Variants in SSB observed in about 807,000 individuals in gnomAD.
SSB encodes small RNA binding exonuclease protection factor La, also known as lupus La protein.
SSB carries 17 observed loss-of-function variants against 52.9 expected under a neutral mutation model. The ratio of observed to expected loss-of-function variants is 0.32; its 90% CI spans 0.22 to 0.48. SSB has a LOEUF of 0.48. SSB is among the 20% of genes least tolerant of loss of function. The pLI is 0.99. For missense variants in SSB, 314 were observed against 463.6 expected (o/e 0.68, Z 2.96); for synonymous variants, 111 against 152.1 (o/e 0.73, Z 1.99).
chr2:169,810,239 GT>G, intron 8 of SSB, 43 bp from the exon 9 acceptor site: 1 of 1,513,264 alleles, frequency 6.6e-7, no homozygotes, highest in Non-Finnish European at 9.0e-7. Context: ...CTGGTCTGTT[GT>G]TGCTTTTAAG....
chr2:169,808,611 T>TA, intron 7 of SSB, 58 bp downstream of exon 7: 3 of 1,447,078 alleles, frequency 2.1e-6, no homozygotes, highest in Non-Finnish European at 2.9e-6. Context: ...CTGACAGAAA[T>TA]ATAGCTGGTG....
In SSB at chr2:169,810,922, G is replaced by A. The variant is rs776024514; in HGVS notation, c.875G>A (p.Gly292Asp). ...GGTAAAGCCAAAGATGCAAATAATG[G>A]TAACCTACAATTAAGGAACAAAGAA... ...ALGKAKDANN[G>D]NLQLRNKEVT... The change falls in exon 10 of 12, where the codon GGT (glycine) becomes GAT (aspartate). Residue 292 changes from glycine (G) to aspartate (D), a missense_variant. Gly to Asp is a moderately conservative substitution (Grantham distance 94, BLOSUM62 -1). Coordinates refer to ENST00000260956, the MANE Select transcript of SSB (RefSeq NM_003142.5). The A allele has an allele frequency of 6.8e-6, 11 of 1,613,456 alleles. No homozygotes were observed. In the Middle Eastern group the frequency reaches 1.2e-3, roughly 169 times the overall value.
intron 2 of SSB, among the ~76,000 whole-genome samples, chr2:169,802,545 C>T (rs999212246): frequency 6.6e-5 from 10 of 151,698 alleles, no homozygotes; most frequent in African/African-American, 2.4e-4. Context: ...ATACTTAGAA[C>T]AATACTAAGA....
chr2:169,807,737 C>CT (rs55845251), intron 6 of SSB, among the ~76,000 whole-genome samples: 10,463 of 73,304 alleles, frequency 0.14, 1,322 homozygotes, highest in Admixed American at 0.21. Flanking sequence ...GCCTATATGT[C>CT]TTTTTTTTTT....
At position 169,811,137 on chromosome 2, in the gene SSB, G is replaced by A. The variant is rs547781043; in HGVS notation, c.998-46G>A. ...TCAGTGTTCAAAAACATTGACAAGA[G>A]ACTTAAAAAAAGTTCTTTACAGAGT... On this transcript the variant is annotated intron_variant, in intron 10 of 11. Coordinates refer to ENST00000260956, the MANE Select transcript of SSB (RefSeq NM_003142.5). 2.1e-5 allele frequency: 34 copies of A among 1,592,760 alleles called. No individual in the cohort carries two copies. The South Asian group carries it at 3.7e-4, about 18-fold the overall frequency.
intron 11 of SSB, 132 bp downstream of exon 11, chr2:169,811,455 T>C: frequency 7.7e-7 from 1 of 1,298,378 alleles, no homozygotes; most frequent in Non-Finnish European, 1.0e-6. Flanking sequence ...TTATTAACGA[T>C]TTACCTCGGT....
chr2:169,800,391 C>T (rs999076446), intron 1 of SSB, among the ~76,000 whole-genome samples: 10 of 151,832 alleles, frequency 6.6e-5, no homozygotes, highest in African/African-American at 2.4e-4. Flanking sequence ...ATTAGTCAGC[C>T]GCAGCCGTGG....
At chr2:169,810,662 A>C in intron 9 of SSB, 196 bp from the exon 10 acceptor site, 1 of 665,334 alleles carries the variant, frequency 1.5e-6, no homozygotes, top group Non-Finnish European at 2.5e-6. Flanking sequence ...TTTCTGAATT[A>C]TACTATGAAT....
chr2:169,812,063 AAC>A, exon 12 of SSB: 1 of 658,676 alleles, frequency 1.5e-6, no homozygotes, highest in African/African-American at 1.8e-5. Context: ...AAAGAGCAAA[AAC>A]AGTTTTTGAT....
Position 169,806,884 on chromosome 2 carries a change from G to T in SSB, c.445G>T (p.Ala149Ser), listed in dbSNP as rs546270676. 5.6e-6 allele frequency: 9 copies of T among 1,611,804 alleles called. No homozygotes were observed. The South Asian group carries it at 9.9e-5, about 18-fold the overall frequency. The part of the protein sequence containing the change: ...NIQMRRTLHK[A>S]FKGSIFVVFD... ...TCAGATGAGAAGAACATTGCATAAAGCATTTAAGGTATGATAATACAGACT... is the reference window on the plus strand; with the variant it reads ...TCAGATGAGAAGAACATTGCATAAATCATTTAAGGTATGATAATACAGACT... Residue 149 changes from alanine (A) to serine (S), a missense_variant, in exon 5 of 12, where the codon GCA (alanine) becomes TCA (serine). Ala to Ser is a moderately conservative substitution (Grantham distance 99). Coordinates refer to ENST00000260956, the MANE Select transcript of SSB (RefSeq NM_003142.5).
chr2:169,801,108 C>A, intron 2 of SSB, 82 bp downstream of exon 2: 1 of 1,125,082 alleles, frequency 8.9e-7, no homozygotes, highest in Non-Finnish European at 1.3e-6. Flanking sequence ...AGTACATGGA[C>A]ATATTCAACA....
chr2:169,806,806 A>G lies in SSB; in HGVS notation c.367A>G (p.Thr123Ala). The G allele has an allele frequency of 4.3e-6, 7 of 1,611,674 alleles. No homozygotes were observed. Among genetic ancestry groups the G allele is most frequent in the South Asian group, 1.1e-5 (1 of 90,142 alleles). Residue 123 changes from threonine (T) to alanine (A), a missense_variant, in exon 5 of 12, where the codon ACT becomes GCT. Coordinates refer to ENST00000260956, the MANE Select transcript of SSB (RefSeq NM_003142.5). ...VYIKGFPTDA[T>A]LDDIKEWLED... ...ACAGAAAGGCTTCCCAACTGATGCAACTCTTGATGACATAAAAGAATGGTT... is the reference window on the plus strand; with the variant it reads ...ACAGAAAGGCTTCCCAACTGATGCAGCTCTTGATGACATAAAAGAATGGTT...
rs1191833904 is a variant in SSB, at chr2:169,799,144, AG to A, written c.-10+173del. ...GCCGCAGCCGGAGGCGGCGGAGCCG[AG>A]GGGGCGCGGGCGGCGGCGAGGCTGC... On this transcript the variant is annotated intron_variant, in intron 1 of 11. Coordinates refer to ENST00000260956, the MANE Select transcript of SSB (RefSeq NM_003142.5). 5 of 151,266 alleles carry A rather than the reference AG, an allele frequency of 3.3e-5. No homozygotes were observed. The East Asian group carries it at 9.7e-4, about 29-fold the overall frequency. 9.4% of individuals were successfully genotyped at this position (151,266 alleles called of 1,614,324 possible).
chr2:169,804,343 T>G (rs1689778845), intron 2 of SSB, among the ~76,000 whole-genome samples: 1 of 151,376 alleles, frequency 6.6e-6, no homozygotes, highest in African/African-American at 2.4e-5. Flanking sequence ...CTGCCAGGCT[T>G]AAGCAATCCT....
At chr2:169,800,488 C>T (rs931002600) in intron 1 of SSB, among the ~76,000 whole-genome samples, 4 of 135,564 alleles carry the variant, frequency 3.0e-5, no homozygotes, top group Admixed American at 8.9e-5. Flanking sequence ...GAGCCGAGAT[C>T]GCACCATTGC....
intron 2 of SSB, among the ~76,000 whole-genome samples, chr2:169,804,240 C>CTTTTTT (rs11447613): frequency 7.3e-5 from 7 of 95,306 alleles, no homozygotes; most frequent in Admixed American, 1.4e-4. Context: ...TTTACTTTAA[C>CTTTTTT]TTTTTTTTTT....
At chr2:169,806,128 G>C (rs1689825544) in intron 4 of SSB, 1 of 351,130 alleles carries the variant, frequency 2.8e-6, no homozygotes, top group Admixed American at 4.3e-5. Context: ...ATGCTACCAT[G>C]CCTGGCAAAA....
rs756053107 is a variant in SSB, at chr2:169,800,957, C to T, written c.-4C>T. ...TAATTTGGGAAATTTTACAGATAGC[C>T]GCAATGGCTGAAAATGGTGATAATG... On this transcript the variant is annotated 5_prime_UTR_variant, in exon 2 of 12. Transcript: ENST00000260956. 1.5e-5 allele frequency: 23 copies of T among 1,578,404 alleles called. No homozygotes were observed. Among genetic ancestry groups the T allele is most frequent in the East Asian group, 4.7e-5 (2 of 42,812 alleles).
chr2:169,808,796 T>C, intron 7 of SSB, 64 bp from the exon 8 acceptor site: 1 of 1,325,192 alleles, frequency 7.5e-7, no homozygotes, highest in African/African-American at 1.5e-5. Context: ...TGGTTAACTT[T>C]ATTAGGACTT....
Sources: gnomAD v4.1 joint callset for allele counts (sites outside exome capture counted in the v4.1 genomes callset) on GRCh38, gnomAD v4.1.1 for gene constraint, MANE v1.5 for transcripts, NCBI Gene and HGNC (gene_info 2026-07-23, HGNC 2026-07-21) for gene names.